The following RGS21 variants were observed in gnomAD, a reference collection of about 807,000 sequenced individuals.
RGS21 encodes regulator of G protein signaling 21, also known as regulator of G-protein signalling 21.
A neutral mutation model predicts 18.7 loss-of-function variants in RGS21; 19 were observed. The ratio of observed to expected loss-of-function variants is 1.01; its 90% CI spans 0.71 to 1.49. The LOEUF (loss-of-function observed/expected upper bound fraction) is 1.49. Ranked by LOEUF, RGS21 falls within the 40% of genes most tolerant of loss-of-function variation. The probability of loss-of-function intolerance (pLI) is 0.00; values close to 1 mark genes in which losing one functional copy is unlikely to be tolerated. For missense variants in RGS21, 194 were observed against 176.8 expected (o/e 1.10, Z -0.55); for synonymous variants, 56 against 57.8 (o/e 0.97, Z 0.14).
chr1:192,324,476 G>A (rs970378461), intron 1 of RGS21, among the ~76,000 whole-genome samples: 2 of 152,018 alleles, frequency 1.3e-5, no homozygotes, highest in African/African-American at 4.8e-5. Context: ...ATGACTTCTT[G>A]TTCCCTTAAG....
chr1:192,327,575 C>T lies in RGS21; in HGVS notation c.-61+10470C>T, dbSNP rs147369526. ...GCAACCTTCACCTCCTAAATTCAAGCGATTCTTCTGCCTCAGCCTCCCGAG... is the reference window on the plus strand; with the variant it reads ...GCAACCTTCACCTCCTAAATTCAAGTGATTCTTCTGCCTCAGCCTCCCGAG... On this transcript the variant is annotated intron_variant, in intron 1 of 4. Transcript: ENST00000417209. 9.2e-4 allele frequency among the ~76,000 whole-genome samples: 140 copies of T among 152,120 alleles called. 1 individual carries two copies. The highest frequency in any genetic ancestry group is 3.1e-3 in the African/African-American group (130 of 41,524).
intron 4 of RGS21, among the ~76,000 whole-genome samples, chr1:192,362,214 G>A (rs1659196223): frequency 1.3e-5 from 2 of 152,084 alleles, no homozygotes; most frequent in Admixed American, 6.6e-5. Context: ...GTTTTCAGCT[G>A]AATTTTTATG....
At chr1:192,326,400 TTAAG>T (rs573170548) in intron 1 of RGS21, among the ~76,000 whole-genome samples, 189 of 152,186 alleles carry the variant, frequency 1.2e-3, no homozygotes, top group Non-Finnish European at 2.4e-3. Flanking sequence ...ATTTTATGAC[TTAAG>T]TAAGATAAAT....
At chr1:192,340,276 G>T (rs1429688691) in intron 1 of RGS21, among the ~76,000 whole-genome samples, 1 of 152,058 alleles carries the variant, frequency 6.6e-6, no homozygotes, top group Non-Finnish European at 1.5e-5. Context: ...GAGGAGAAAG[G>T]AAACAAAATA....
chr1:192,344,864 C>A (rs148836284), intron 2 of RGS21, among the ~76,000 whole-genome samples: 8 of 152,116 alleles, frequency 5.3e-5, no homozygotes, highest in African/African-American at 1.7e-4. Context: ...ATTTTTTTCT[C>A]CTAAAAACAA....
Position 192,356,433 on chromosome 1 carries a change from G to T in RGS21, c.255+4220G>T, listed in dbSNP as rs532774800. Among the ~76,000 whole-genome samples the T allele has an allele frequency of 4.6e-5, 7 of 151,820 alleles. No individual in the cohort carries two copies. In the South Asian group the frequency reaches 1.4e-3, roughly 31 times the overall value. ...ATAGAAACTTTAGTTTGACTCTAAA[G>T]AACTTTTCAATACAGTTGGGTTAAA... On this transcript the variant is annotated intron_variant, in intron 4 of 4. Transcript: ENST00000417209.
intron 1 of RGS21, among the ~76,000 whole-genome samples, chr1:192,331,906 G>T (rs1428939915): frequency 6.6e-6 from 1 of 151,880 alleles, no homozygotes; most frequent in Non-Finnish European, 1.5e-5. Flanking sequence ...CCACAACAAT[G>T]AAGATATTTA....
chr1:192,366,668 A>G lies in RGS21; in HGVS notation c.*544A>G, dbSNP rs1388265230. On this transcript the variant is annotated 3_prime_UTR_variant, in exon 5 of 5. Coordinates refer to ENST00000417209, the MANE Select transcript of RGS21 (RefSeq NM_001039152.3). ...AAATCACAGGAATGTATACACATTT[A>G]TATGTATGTCTTGAATGCACCATGG... The G allele has an allele frequency of 2.0e-5, 3 of 152,284 alleles. No homozygotes were observed. The highest frequency in any genetic ancestry group is 4.4e-5 in the Non-Finnish European group (3 of 68,142). The allele number at this position is 152,284 out of a possible 1,614,324, so 9.4% of individuals were successfully genotyped here. A position where few individuals can be genotyped will look rare whatever the true frequency, so the allele number is the denominator to read the frequency against.
intron 1 of RGS21, among the ~76,000 whole-genome samples, chr1:192,329,793 C>A (rs1658619804): frequency 6.6e-6 from 1 of 152,002 alleles, no homozygotes; most frequent in Admixed American, 6.6e-5. Context: ...TGCTCCAAAC[C>A]CCAAAAACCT....
intron 3 of RGS21, among the ~76,000 whole-genome samples, chr1:192,351,791 T>C (rs1659045739): frequency 1.4e-5 from 2 of 147,482 alleles, no homozygotes; most frequent in East Asian, 2.0e-4. Flanking sequence ...ATATAACACA[T>C]ATATAGCACA....
At chr1:192,364,372 TTGA>T (rs1659225799) in intron 4 of RGS21, among the ~76,000 whole-genome samples, 1 of 152,172 alleles carries the variant, frequency 6.6e-6, no homozygotes, top group South Asian at 2.1e-4. Flanking sequence ...TAGTGGCCTT[TTGA>T]TGATTCTTTT....
At chr1:192,359,729 T>C (rs1461363147) in intron 4 of RGS21, among the ~76,000 whole-genome samples, 1 of 147,782 alleles carries the variant, frequency 6.8e-6, no homozygotes. Context: ...TTCAGAGTTA[T>C]ATATAGAGAG....
intron 1 of RGS21, among the ~76,000 whole-genome samples, chr1:192,340,176 T>G (rs1658837549): frequency 6.6e-6 from 1 of 152,114 alleles, no homozygotes; most frequent in East Asian, 1.9e-4. Context: ...TCTCATATCT[T>G]TCCACAGAAA....
At chr1:192,320,468 C>A (rs922609604) in intron 1 of RGS21, among the ~76,000 whole-genome samples, 45 of 146,092 alleles carry the variant, frequency 3.1e-4, no homozygotes, top group African/African-American at 1.1e-3. Flanking sequence ...AAATGCTAAT[C>A]CTCTAGCACA....
rs768693721 is a variant in RGS21 at position 192,352,119 on chromosome 1, G to A, written c.161G>A (p.Cys54Tyr). ...SEENVEFWLA[C>Y]EDFKKTKNAD... ...GAAAATGTTGAGTTCTGGCTTGCCT[G>A]TGAAGACTTTAAGAAAACGAAAAAT... Residue 54 changes from cysteine to tyrosine, a missense_variant, in exon 4 of 5, where the codon TGT (cysteine) becomes TAT (tyrosine). Transcript: ENST00000417209. 4.3e-6 allele frequency: 7 copies of A among 1,610,800 alleles called. No homozygotes were observed. In the Admixed American group the frequency reaches 1.0e-4, roughly 23 times the overall value.
intron 1 of RGS21, among the ~76,000 whole-genome samples, chr1:192,331,784 T>A (rs12123301): frequency 0.48 from 73,133 of 151,460 alleles, 18,784 homozygotes; most frequent in African/African-American, 0.64. Context: ...AATATTTTTT[T>A]AAAATTTAGA....
chr1:192,320,501 T>G (rs1572729), intron 1 of RGS21, among the ~76,000 whole-genome samples: 3 of 150,070 alleles, frequency 2.0e-5, no homozygotes, highest in African/African-American at 7.4e-5. Context: ...TGTAAAGGAA[T>G]GTGTATGTGT....
Position 192,362,528 on chromosome 1 carries a change from T to G in RGS21, c.256-3393T>G, listed in dbSNP as rs186237173. ...TTCCTATGTTTCTAGCTTGAACAAC[T>G]TTAAGAAATATAATTACATTTACAC... On this transcript the variant is annotated intron_variant, in intron 4 of 4. Coordinates refer to ENST00000417209, the MANE Select transcript of RGS21 (RefSeq NM_001039152.3). 1.2e-4 allele frequency among the ~76,000 whole-genome samples: 19 copies of G among 152,310 alleles called. 1 individual carries two copies. In the East Asian group the frequency reaches 3.5e-3, roughly 28 times the overall value.
Position 192,363,470 on chromosome 1 carries a change from A to G in RGS21, c.256-2451A>G, listed in dbSNP as rs531688769. 5.3e-5 allele frequency among the ~76,000 whole-genome samples: 8 copies of G among 152,286 alleles called. No homozygotes were observed. In the South Asian group the frequency reaches 1.0e-3, roughly 20 times the overall value. On this transcript the variant is annotated intron_variant, in intron 4 of 4. Transcript: ENST00000417209. The stretch of plus-strand genomic sequence containing the variant: ...TTAATTGAAGAAACAGGCTGCATAT[A>G]TTCTCATATTCCCACAACACCAGAT...
Sources: gnomAD v4.1 joint callset for allele counts (sites outside exome capture counted in the v4.1 genomes callset) on GRCh38, gnomAD v4.1.1 for gene constraint, MANE v1.5 for transcripts, NCBI Gene and HGNC (gene_info 2026-07-23, HGNC 2026-07-21) for gene names.